CANX: variants seen among roughly 807,000 people sequenced by gnomAD.
The protein encoded by CANX is calnexin.
In CANX, 14 loss-of-function variants were observed where a neutral mutation model predicts 75.7. That is an observed-to-expected ratio of 0.19 (90% CI 0.12 to 0.29). The LOEUF is 0.29. CANX is among the 10% of genes least tolerant of loss of function. CANX has a pLI of 1.00. For synonymous variants in CANX, 227 were observed against 236.9 expected (o/e 0.96, Z 0.38); for missense variants, 567 against 713.2 (o/e 0.79, Z 2.34).
intron 1 of CANX, among the ~76,000 whole-genome samples, chr5:179,690,041 G>A (rs1776273296): frequency 6.6e-6 from 1 of 152,170 alleles, no homozygotes; most frequent in Non-Finnish European, 1.5e-5. Context: ...AAGGAGAAGA[G>A]CATCTGAAGA....
intron 1 of CANX, among the ~76,000 whole-genome samples, chr5:179,691,685 T>C (rs1776301204): frequency 1.3e-5 from 2 of 152,220 alleles, no homozygotes; most frequent in Admixed American, 1.3e-4. Flanking sequence ...GAGGCAGTAC[T>C]CTCTTCCTCT....
chr5:179,683,323 T>C (rs376282482), intron 1 of CANX, among the ~76,000 whole-genome samples: 258 of 151,646 alleles, frequency 1.7e-3, no homozygotes, highest in Non-Finnish European at 2.7e-3. Context: ...TTAGTAGAGA[T>C]GGGGTTTCAC....
At chr5:179,712,396 A>G (rs1037367229) in intron 7 of CANX, among the ~76,000 whole-genome samples, 29 of 151,532 alleles carry the variant, frequency 1.9e-4, no homozygotes, top group Non-Finnish European at 2.9e-5. Flanking sequence ...ATAAATAGGC[A>G]TGCCTCTTTC....
intron 7 of CANX, among the ~76,000 whole-genome samples, 189 bp downstream of exon 7, chr5:179,710,254 C>T (rs995089975): frequency 1.6e-4 from 24 of 151,680 alleles, no homozygotes; most frequent in African/African-American, 4.4e-4. Flanking sequence ...GAAACTTCAC[C>T]TCTACTAAAA....
intron 1 of CANX, chr5:179,700,631 C>G (rs1196937908): frequency 2.0e-5 from 3 of 153,144 alleles, no homozygotes; most frequent in African/African-American, 7.2e-5. Context: ...TGTCAGCATT[C>G]CCCGACACCT....
chr5:179,720,810 GT>G (rs1778259348), intron 10 of CANX, among the ~76,000 whole-genome samples: 1 of 151,872 alleles, frequency 6.6e-6, no homozygotes, highest in Non-Finnish European at 1.5e-5. Context: ...TTGAGATGGA[GT>G]TTCGCTCTTC....
chr5:179,708,115 G>A lies in CANX; in HGVS notation c.305-124G>A. On this transcript the variant is annotated intron_variant, in intron 4 of 14. Coordinates refer to ENST00000247461, the MANE Select transcript of CANX (RefSeq NM_001746.4). ...AGCCTCCCTAAGTGCTGGGATTATA[G>A]GTGTGAGCGACCACGGCTGCCCCAG... 6.8e-6 allele frequency: 5 copies of A among 732,328 alleles called. No homozygotes were observed. The South Asian group carries it at 8.5e-5, about 12-fold the overall frequency. 45.4% of individuals were successfully genotyped at this position (732,328 alleles called of 1,614,324 possible).
At chr5:179,720,019 C>T (rs527508418) in intron 9 of CANX, among the ~76,000 whole-genome samples, 6 of 151,792 alleles carry the variant, frequency 4.0e-5, no homozygotes, top group African/African-American at 1.4e-4. Flanking sequence ...TTAGTAGAGA[C>T]GGACTTTCAC....
chr5:179,709,099 C>T (rs762819096), intron 6 of CANX, 40 bp downstream of exon 6: 1 of 1,172,582 alleles, frequency 8.5e-7, no homozygotes, highest in Non-Finnish European at 1.3e-6. Context: ...TGGACACCCA[C>T]TATTACCTTG....
chr5:179,726,660 T>C lies in CANX; in HGVS notation c.1646-20T>C. 1 of 1,560,712 alleles carries C rather than the reference T, an allele frequency of 6.4e-7. No individual in the cohort carries two copies. The highest frequency in any genetic ancestry group is 1.1e-5 in the South Asian group (1 of 89,868). On this transcript the variant is annotated intron_variant, in intron 13 of 14. Coordinates refer to ENST00000247461, the MANE Select transcript of CANX (RefSeq NM_001746.4). ...CCAAAAATAATAAGGTTTTGCTCAGTTGTTTAACTTCTGTCTTAGAAGAGA... is the reference window on the plus strand; with the variant it reads ...CCAAAAATAATAAGGTTTTGCTCAGCTGTTTAACTTCTGTCTTAGAAGAGA...
intron 13 of CANX, among the ~76,000 whole-genome samples, chr5:179,726,376 AC>A (rs1778671164): frequency 6.6e-6 from 1 of 152,088 alleles, no homozygotes; most frequent in African/African-American, 2.4e-5. Flanking sequence ...GGAGATCGAG[AC>A]CATCCTGGCT....
Position 179,728,704 on chromosome 5 carries a change from T to TCTCCTAGGACC in CANX, c.*60_*61insCTCCTAGGACC. The TCTCCTAGGACC allele has an allele frequency of 2.5e-6, 3 of 1,218,080 alleles. No individual in the cohort carries two copies. Among genetic ancestry groups the TCTCCTAGGACC allele is most frequent in the Non-Finnish European group, 3.7e-6 (3 of 821,822 alleles). 75.5% of individuals were successfully genotyped at this position (1,218,080 alleles called of 1,614,324 possible). ...CCCTCCTCCCCTGCAAGAGTGGTCC[T>TCTCCTAGGACC]AGGAGAGGACCTGGCACACCTTAGG... On this transcript the variant is annotated 3_prime_UTR_variant, in exon 15 of 15. Coordinates refer to ENST00000247461, the MANE Select transcript of CANX (RefSeq NM_001746.4).
At chr5:179,686,868 C>T (rs1447423031) in intron 1 of CANX, among the ~76,000 whole-genome samples, 1 of 152,202 alleles carries the variant, frequency 6.6e-6, no homozygotes, top group Non-Finnish European at 1.5e-5. Flanking sequence ...ACTTCCGGCT[C>T]CAGGGTTCAA....
At chr5:179,714,749 C>T (rs1174722712) in intron 7 of CANX, among the ~76,000 whole-genome samples, 1 of 152,030 alleles carries the variant, frequency 6.6e-6, no homozygotes, top group Non-Finnish European at 1.5e-5. Context: ...GATCTCCTGA[C>T]CTCGTGATTC....
At chr5:179,695,264 T>C (rs1158598479), upstream of CANX, among the ~76,000 whole-genome samples, 1 of 152,046 alleles carries the variant, frequency 6.6e-6, no homozygotes, top group Non-Finnish European at 1.5e-5. Flanking sequence ...TTTCACCGTG[T>C]TAGCCAGGAT....
intron 1 of CANX, among the ~76,000 whole-genome samples, chr5:179,686,989 C>A (rs1045271804): frequency 6.6e-6 from 1 of 152,144 alleles, no homozygotes; most frequent in Non-Finnish European, 1.5e-5. Context: ...ATTGGTCAGG[C>A]TGGTCTTGAA....
In CANX at chr5:179,720,430, A is replaced by C. The variant is rs765982240; in HGVS notation, c.1052A>C (p.Glu351Ala). The change falls in exon 10 of 15, where the codon GAG (glutamate) becomes GCG (alanine). Residue 351 changes from glutamate to alanine, a missense_variant. Around this residue, in one of 3 missense-constraint regions of CANX, gnomAD observed 351 missense variants for 433.8 expected, o/e 0.81. Transcript: ENST00000247461. ...GATGAAGACATGGATGGAGAATGGG[A>C]GGCTCCTCAGATTGCCAACCCTAGA... ...DWDEDMDGEW[E>A]APQIANPRCE... 6 of 1,613,938 alleles carry C rather than the reference A, an allele frequency of 3.7e-6. No individual in the cohort carries two copies. The Admixed American group carries it at 1.0e-4, about 27-fold the overall frequency.
intron 1 of CANX, among the ~76,000 whole-genome samples, chr5:179,689,318 TG>T (rs1424299243): frequency 6.7e-6 from 1 of 148,868 alleles, no homozygotes; most frequent in Non-Finnish European, 1.5e-5. Context: ...CCACTAGGAA[TG>T]GTACACAACT....
intron 14 of CANX, 58 bp from the exon 15 acceptor site, chr5:179,728,533 T>G (rs1414802783): frequency 3.8e-6 from 4 of 1,043,792 alleles, no homozygotes; most frequent in African/African-American, 3.2e-5. Context: ...GAAAATATGG[T>G]GAACTTTTAT....
Sources: gnomAD v4.1 joint callset for allele counts (sites outside exome capture counted in the v4.1 genomes callset) on GRCh38, gnomAD v4.1.1 for gene constraint, gnomAD v4.1.1 regional missense constraint, MANE v1.5 for transcripts, NCBI Gene and HGNC (gene_info 2026-07-23, HGNC 2026-07-21) for gene names.